The following ROBO2 variants were observed in gnomAD, a reference collection of about 807,000 sequenced individuals.
ROBO2 encodes roundabout homolog 2.
ROBO2 carries 53 observed loss-of-function variants against 160.8 expected under a neutral mutation model. The ratio of observed to expected loss-of-function variants is 0.33; its 90% CI spans 0.26 to 0.41. The LOEUF is 0.41. Among genes scored for constraint, ROBO2 ranks in the 10% least tolerant of loss-of-function variants. The probability of loss-of-function intolerance (pLI) is 1.00; values close to 1 mark genes in which losing one functional copy is unlikely to be tolerated. For missense variants in ROBO2, 1,577 were observed against 1,722.4 expected (o/e 0.92, Z 1.49); for synonymous variants, 664 against 611.7 (o/e 1.09, Z -1.26).
intron 1 of ROBO2, among the ~76,000 whole-genome samples, chr3:77,057,221 A>T (rs1286223874): frequency 6.6e-6 from 1 of 152,140 alleles, no homozygotes; most frequent in East Asian, 1.9e-4. Flanking sequence ...ACAGAAAACC[A>T]AACACCGCAT....
intron 23 of ROBO2, chr3:77,632,532 T>C (rs1180378502): frequency 1.3e-5 from 20 of 1,535,804 alleles, no homozygotes; most frequent in Non-Finnish European, 1.7e-5. Context: ...TTTCTAGTCA[T>C]AGATCTAGTG....
intron 2 of ROBO2, among the ~76,000 whole-genome samples, chr3:76,549,733 A>G (rs148651192): frequency 1.7e-4 from 26 of 152,274 alleles, no homozygotes; most frequent in African/African-American, 6.3e-4. Context: ...TTTAAAAAAG[A>G]TTCATCTACT....
At chr3:77,019,869 T>C (rs1467092659) in intron 2 of ROBO2, among the ~76,000 whole-genome samples, 1 of 152,178 alleles carries the variant, frequency 6.6e-6, no homozygotes, top group Non-Finnish European at 1.5e-5. Flanking sequence ...AAGTTAAAAC[T>C]TTGGATCCCA....
chr3:77,164,569 G>A (rs556716722), intron 2 of ROBO2, among the ~76,000 whole-genome samples: 158 of 141,714 alleles, frequency 1.1e-3, no homozygotes, highest in Non-Finnish European at 1.9e-3. Flanking sequence ...CAGCCGCCCC[G>A]TCCGGGAGGT....
rs771714644 is a variant in ROBO2 at position 77,564,946 on chromosome 3, C to T, written c.1683-8C>T. On this transcript the variant is annotated splice_polypyrimidine_tract_variant and splice_region_variant and intron_variant, in intron 11 of 25. Transcript: ENST00000461745. ...GTTCTTTAAATGAAATTTCTGTTCG[C>T]GTTTCAGCCAATCAGTGAGCAACAG... is the stretch of plus-strand genomic sequence containing the variant. 22 of 1,612,484 alleles carry T rather than the reference C, an allele frequency of 1.4e-5. No individual in the cohort carries two copies. Among genetic ancestry groups the T allele is most frequent in the East Asian group, 6.7e-5 (3 of 44,746 alleles).
chr3:76,898,163 A>T (rs117976501), intron 2 of ROBO2, among the ~76,000 whole-genome samples: 1 of 152,074 alleles, frequency 6.6e-6, no homozygotes, highest in African/African-American at 2.4e-5. Flanking sequence ...AATTGAAATT[A>T]TTACATCTCA....
intron 1 of ROBO2, among the ~76,000 whole-genome samples, chr3:75,915,396 C>G (rs1946768751): frequency 6.6e-6 from 1 of 152,132 alleles, no homozygotes; most frequent in Non-Finnish European, 1.5e-5. Flanking sequence ...AATAGTGAGT[C>G]TGTTGTTGTT....
At chr3:77,387,338 CAAAA>C (rs59885508) in intron 2 of ROBO2, among the ~76,000 whole-genome samples, 4 of 121,928 alleles carry the variant, frequency 3.3e-5, no homozygotes, top group Non-Finnish European at 5.1e-5. Context: ...CCCCGTCTCT[CAAAA>C]AAAAAAAAAA....
chr3:77,634,527 A>G, intron 23 of ROBO2: 1 of 265,418 alleles, frequency 3.8e-6, no homozygotes, highest in Non-Finnish European at 7.4e-6. Context: ...TAAAAACTGC[A>G]TGAATTTGCA....
In ROBO2 at chr3:76,940,060, C is replaced by A. The variant is rs945137840; in HGVS notation, c.110-157954C>A. Among the ~76,000 whole-genome samples the A allele has an allele frequency of 4.1e-5, 6 of 147,748 alleles. No homozygotes were observed. In the East Asian group the frequency reaches 6.1e-4, roughly 15 times the overall value. ...GCGGTGGCGCTACCTCGGCTCACTGCAAGCTCCGCCTCCCGGGTTCACACC... is the reference window on the plus strand; with the variant it reads ...GCGGTGGCGCTACCTCGGCTCACTGAAAGCTCCGCCTCCCGGGTTCACACC... On this transcript the variant is annotated intron_variant, in intron 2 of 26. Coordinates refer to the ROBO2 transcript ENST00000487694.
At chr3:77,112,676 A>G (rs1189231123) in intron 2 of ROBO2, among the ~76,000 whole-genome samples, 2 of 152,190 alleles carry the variant, frequency 1.3e-5, no homozygotes, top group Non-Finnish European at 2.9e-5. Flanking sequence ...CTATTCTCCC[A>G]AAGAGAGAAT....
intron 2 of ROBO2, among the ~76,000 whole-genome samples, chr3:77,022,238 C>A (rs558176736): frequency 6.6e-6 from 1 of 152,258 alleles, no homozygotes; most frequent in Admixed American, 6.5e-5. Context: ...GAGGTGGTGA[C>A]AAACGCCTGT....
Position 77,632,642 on chromosome 3 carries a change from G to A in ROBO2, c.3761-2228G>A. The A allele has an allele frequency of 2.0e-6, 3 of 1,535,072 alleles. No homozygotes were observed. In the African/African-American group the frequency reaches 4.1e-5, roughly 21 times the overall value. The stretch of plus-strand genomic sequence containing the variant: ...GCTGGTTTTAGGCTGGATGGAACCA[G>A]CCTTACAAGAACAGGTTGGTAGACT... On this transcript the variant is annotated intron_variant, in intron 23 of 25. Transcript: ENST00000461745.
chr3:77,032,340 G>A (rs2149560678), intron 2 of ROBO2, among the ~76,000 whole-genome samples: 2 of 152,210 alleles, frequency 1.3e-5, no homozygotes, highest in African/African-American at 4.8e-5. Flanking sequence ...ATCAATTTGA[G>A]CTTTCATTAA....
At chr3:77,516,965 G>A (rs1179855463) in intron 5 of ROBO2, among the ~76,000 whole-genome samples, 2 of 151,464 alleles carry the variant, frequency 1.3e-5, no homozygotes, top group Non-Finnish European at 3.0e-5. Flanking sequence ...AATATCTCAG[G>A]CACTGTTTGG....
chr3:76,964,070 C>T (rs534121358), intron 2 of ROBO2, among the ~76,000 whole-genome samples: 5 of 151,990 alleles, frequency 3.3e-5, no homozygotes, highest in South Asian at 2.1e-4. Flanking sequence ...CAACTTTAAG[C>T]GTGAATAACA....
chr3:77,082,094 T>C lies in ROBO2; in HGVS notation c.62-15920T>C, dbSNP rs536062628. 3.9e-5 allele frequency among the ~76,000 whole-genome samples: 6 copies of C among 152,310 alleles called. No individual in the cohort carries two copies. The East Asian group carries it at 7.7e-4, about 20-fold the overall frequency. ...ATATAACTTGGTCATAATAAGAGAC[T>C]GTTTTAAGCTGTATTCCAACAAAAT... On this transcript the variant is annotated intron_variant, in intron 1 of 25. Transcript: ENST00000461745.
chr3:76,202,684 C>T (rs1386069763), intron 2 of ROBO2, among the ~76,000 whole-genome samples: 2 of 152,004 alleles, frequency 1.3e-5, no homozygotes, highest in Non-Finnish European at 2.9e-5. Flanking sequence ...AGGGTGCTGC[C>T]GATTCCTGTG....
At chr3:76,533,274 G>A (rs999910088) in intron 2 of ROBO2, among the ~76,000 whole-genome samples, 36 of 152,188 alleles carry the variant, frequency 2.4e-4, no homozygotes, top group African/African-American at 8.7e-4. Context: ...AATCCAAAAG[G>A]GGGTTTTGTT....
Sources: allele counts gnomAD v4.1 joint callset (sites outside exome capture counted in the v4.1 genomes callset), GRCh38; gene constraint gnomAD v4.1.1; transcripts MANE v1.5; gene names NCBI Gene and HGNC (gene_info 2026-07-23, HGNC 2026-07-21).